TANC1: variants seen among roughly 807,000 people sequenced by gnomAD.
TANC1 encodes the protein tetratricopeptide repeat, ankyrin repeat and coiled-coil containing 1.
Under a neutral mutation model 149.7 loss-of-function variants are expected in TANC1, and 77 were observed. That is an observed-to-expected ratio of 0.51 (90% confidence interval 0.43 to 0.62). TANC1 has a LOEUF of 0.62. Ranked by LOEUF, TANC1 falls within the 20% of genes least tolerant of loss-of-function variation. TANC1 has a pLI of 0.00. For missense variants in TANC1, 1,985 were observed against 2,321.8 expected (o/e 0.85, Z 2.98); for synonymous variants, 854 against 925.0 (o/e 0.92, Z 1.39).
At chr2:159,010,274 A>G (rs2037621948) in intron 2 of TANC1, among the ~76,000 whole-genome samples, 2 of 152,216 alleles carry the variant, frequency 1.3e-5, no homozygotes, top group South Asian at 4.1e-4. Context: ...AGTCACTTTC[A>G]TAACTAATTA....
chr2:159,149,413 A>AATAC, intron 6 of TANC1, 141 bp downstream of exon 6: 1 of 1,303,828 alleles, frequency 7.7e-7, no homozygotes, highest in Non-Finnish European at 1.1e-6. Flanking sequence ...AATTTATTTC[A>AATAC]ACAGTTTGGT....
intron 1 of TANC1, among the ~76,000 whole-genome samples, chr2:158,990,343 C>T (rs916142468): frequency 6.6e-6 from 1 of 152,186 alleles, no homozygotes; most frequent in African/African-American, 2.4e-5. Context: ...TTTGATTCAG[C>T]AGGAACTAAA....
intron 19 of TANC1, among the ~76,000 whole-genome samples, chr2:159,216,039 A>T: frequency 6.9e-6 from 1 of 144,472 alleles, no homozygotes; most frequent in Non-Finnish European, 1.5e-5. Context: ...GTGGGGAGAT[A>T]CACCTGTCTT....
intron 7 of TANC1, among the ~76,000 whole-genome samples, chr2:159,150,942 G>A (rs2052728308): frequency 6.6e-6 from 1 of 152,052 alleles, no homozygotes; most frequent in South Asian, 2.1e-4. Flanking sequence ...CAATCTCAAG[G>A]TCACTTATTT....
intron 15 of TANC1, among the ~76,000 whole-genome samples, 196 bp downstream of exon 15, chr2:159,186,095 A>G (rs1012110101): frequency 2.0e-5 from 3 of 152,188 alleles, no homozygotes; most frequent in Non-Finnish European, 4.4e-5. Context: ...GCATTTTGCT[A>G]TAGTTGATTG....
intron 4 of TANC1, among the ~76,000 whole-genome samples, chr2:159,105,632 T>A (rs1366456496): frequency 1.3e-5 from 2 of 152,210 alleles, no homozygotes; most frequent in Middle Eastern, 3.2e-3. Context: ...TCGCTCCTGC[T>A]TTGTTTCTAT....
At chr2:159,145,616 G>T (rs2051981866) in intron 5 of TANC1, among the ~76,000 whole-genome samples, 1 of 152,220 alleles carries the variant, frequency 6.6e-6, no homozygotes, top group Non-Finnish European at 1.5e-5. Context: ...TCGGGAGCTG[G>T]TCAGTTTGTG....
chr2:159,081,922 T>G (rs1416953108), intron 3 of TANC1, among the ~76,000 whole-genome samples: 2 of 152,196 alleles, frequency 1.3e-5, no homozygotes, highest in African/African-American at 4.8e-5. Flanking sequence ...GGGATCCAGG[T>G]CCAGTGACCA....
intron 5 of TANC1, among the ~76,000 whole-genome samples, chr2:159,144,415 T>C (rs2051817285): frequency 6.6e-6 from 1 of 152,168 alleles, no homozygotes; most frequent in African/African-American, 2.4e-5. Flanking sequence ...TCGCTCTGTC[T>C]CTCAGGCTGG....
rs201686520 is a variant in TANC1, at chr2:159,163,391, G to A, written c.791G>A (p.Arg264His). The A allele has an allele frequency of 3.8e-5, 62 of 1,614,198 alleles. No homozygotes were observed. The highest frequency in any genetic ancestry group is 1.8e-4 in the South Asian group (16 of 91,086). Residue 264 changes from arginine to histidine, a missense_variant, in exon 8 of 27, where the codon CGC becomes CAC. This residue lies in a region of TANC1 where 557 missense variants were observed against 612.9 expected (regional missense o/e 0.91). Coordinates refer to ENST00000263635, the MANE Select transcript of TANC1 (RefSeq NM_033394.3). ...LGVQKGVLHD[R>H]RADNCSPVAE... ...GTTCAGAAGGGAGTGCTTCATGACC[G>A]CAGGGCAGATAACTGCTCCCCAGTG...
At chr2:159,198,101 C>G (rs1311427776) in intron 18 of TANC1, among the ~76,000 whole-genome samples, 1 of 152,166 alleles carries the variant, frequency 6.6e-6, no homozygotes, top group African/African-American at 2.4e-5. Context: ...TTCACCTTAG[C>G]CTCTGTCGTC....
intron 1 of TANC1, among the ~76,000 whole-genome samples, chr2:158,980,550 GCA>G: frequency 6.6e-6 from 1 of 152,108 alleles, no homozygotes; most frequent in Admixed American, 6.5e-5. Flanking sequence ...GCCGAAGTGG[GCA>G]GATCACGAGG....
intron 2 of TANC1, among the ~76,000 whole-genome samples, chr2:159,025,213 C>CTTTCTT (rs2039205246): frequency 7.6e-6 from 1 of 132,234 alleles, no homozygotes; most frequent in Non-Finnish European, 1.7e-5. Context: ...TTCTTTCTTT[C>CTTTCTT]TTTCTTTCTT....
rs2059427507 is a variant in TANC1 at position 159,217,603 on chromosome 2, T to C, written c.3351T>C (p.Phe1117=). ...ACAGGAGAGGGGTTCCACCTTTGTT[T>C]TGTGCAGCACGCCAGGGGCATTGGC... ...RTNRRGVPPL[F]CAARQGHWQI... The change falls in exon 20 of 27, where the codon TTT becomes TTC. Residue 1117 remains phenylalanine, a synonymous_variant. Transcript: ENST00000263635. 6.2e-7 allele frequency: 1 copy of C among 1,614,090 alleles called. No homozygotes were observed. Among genetic ancestry groups the C allele is most frequent in the African/African-American group, 1.3e-5 (1 of 74,940 alleles).
intron 23 of TANC1, chr2:159,225,286 T>C (rs2059950983): frequency 3.9e-6 from 1 of 256,612 alleles, no homozygotes; most frequent in Non-Finnish European, 7.6e-6. Context: ...AGAGAAGCCA[T>C]GACATCTCGG....
At chr2:159,116,460 A>AC (rs1559289121) in intron 4 of TANC1, among the ~76,000 whole-genome samples, 14 of 134,784 alleles carry the variant, frequency 1.0e-4, no homozygotes, top group Admixed American at 5.1e-4. Context: ...ACAACAAAAA[A>AC]AAAAAAACAA....
chr2:159,227,993 A>T (rs1161860651), intron 25 of TANC1, 28 bp downstream of exon 25: 2 of 1,601,100 alleles, frequency 1.2e-6, no homozygotes, highest in Non-Finnish European at 1.7e-6. Flanking sequence ...ATTCCAACCC[A>T]GTCTTCCAGC....
chr2:159,180,935 G>A (rs1455698844), intron 14 of TANC1, among the ~76,000 whole-genome samples: 2 of 152,174 alleles, frequency 1.3e-5, no homozygotes, highest in Non-Finnish European at 2.9e-5. Flanking sequence ...CCCAGCGTAA[G>A]TAAAGGGGCC....
chr2:159,008,372 A>G (rs996975937), intron 2 of TANC1, among the ~76,000 whole-genome samples: 15 of 152,198 alleles, frequency 9.9e-5, no homozygotes, highest in South Asian at 6.2e-4. Flanking sequence ...GCTGTTGATT[A>G]TTTGGAAATT....
Sources: gnomAD v4.1 joint callset for allele counts (sites outside exome capture counted in the v4.1 genomes callset) on GRCh38, gnomAD v4.1.1 for gene constraint, gnomAD v4.1.1 regional missense constraint, MANE v1.5 for transcripts, NCBI Gene and HGNC (gene_info 2026-07-23, HGNC 2026-07-21) for gene names.